The following ABCA3 variants were observed in gnomAD, a reference collection of about 807,000 sequenced individuals.
The protein encoded by ABCA3 is phospholipid-transporting ATPase ABCA3.
Under a neutral mutation model 172.8 loss-of-function variants are expected in ABCA3, and 88 were observed. That is an observed-to-expected ratio of 0.51 (90% CI 0.43 to 0.61). The LOEUF (loss-of-function observed/expected upper bound fraction) is 0.61, where lower values mean the gene tolerates loss of function less well. ABCA3 is among the 20% of genes least tolerant of loss of function. The pLI is 0.00. For missense variants in ABCA3, 2,164 were observed against 2,301.0 expected (o/e 0.94, Z 1.22); for synonymous variants, 1,066 against 983.8 (o/e 1.08, Z -1.56).
intron 12 of ABCA3, among the ~76,000 whole-genome samples, chr16:2,300,760 G>A (rs1185967828): frequency 2.0e-5 from 3 of 152,212 alleles, no homozygotes; most frequent in African/African-American, 4.8e-5. Context: ...AGAGCAGCAG[G>A]GAAGGTGGAA....
At chr16:2,303,570 G>A (rs1047416636) in intron 12 of ABCA3, among the ~76,000 whole-genome samples, 2 of 152,024 alleles carry the variant, frequency 1.3e-5, no homozygotes, top group Admixed American at 6.6e-5. Flanking sequence ...ACGCCTGGCC[G>A]AATGTGAACA....
At chr16:2,299,275 T>C in intron 14 of ABCA3, 128 bp downstream of exon 14, 1 of 1,338,974 alleles carries the variant, frequency 7.5e-7, no homozygotes, top group Non-Finnish European at 1.0e-6. Context: ...AGGGCTGAGG[T>C]GCATCTCCTG....
Position 2,278,859 on chromosome 16 carries a change from C to T in ABCA3, c.4547+84G>A. On this transcript the variant is annotated intron_variant, in intron 29 of 32. Coordinates refer to ENST00000301732, the MANE Select transcript of ABCA3 (RefSeq NM_001089.3). This position sits in a 1 kb window ranked among gnomAD's most constrained non-coding sequence, Gnocchi z 4.4. ...CACAAGCAGGAGCTCTGGCTGCTGA[C>T]CTGAGCGGTCACTCCCAGCTCTATG... is the stretch of plus-strand genomic sequence containing the variant. The T allele has an allele frequency of 1.3e-6, 2 of 1,585,288 alleles. No homozygotes were observed. Among genetic ancestry groups the T allele is most frequent in the African/African-American group, 1.3e-5 (1 of 74,576 alleles).
At position 2,301,002 on chromosome 16, in the gene ABCA3, G is replaced by A. The variant is rs534390597; in HGVS notation, c.1468-854C>T. 7.1e-3 allele frequency among the ~76,000 whole-genome samples: 1,062 copies of A among 150,078 alleles called. 6 individuals carry two copies. The highest frequency in any genetic ancestry group is 0.012 in the Non-Finnish European group (798 of 67,936). The stretch of plus-strand genomic sequence containing the variant: ...TCCCAGCACTTTGGGAGGCCGAGGC[G>A]GGCGGATCATGAGGTCAGGAGATCG... On this transcript the variant is annotated intron_variant, in intron 12 of 32. Coordinates refer to ENST00000301732, the MANE Select transcript of ABCA3 (RefSeq NM_001089.3).
chr16:2,284,941 T>G lies in ABCA3; in HGVS notation c.3541A>C (p.Thr1181Pro). 1 of 1,613,672 alleles carries G rather than the reference T, an allele frequency of 6.2e-7. No individual in the cohort carries two copies. Among genetic ancestry groups the G allele is most frequent in the Non-Finnish European group, 8.5e-7 (1 of 1,179,970 alleles). ...CCGTAGAGCAGGAGCAGCAGCAGGG[T>G]GTCAGCCATGTGGCCGTCCCGCGTG... ...AFTRDGHMAD[T>P]LLLLLLYGWA... The change falls in exon 24 of 33, where the codon ACC (threonine) becomes CCC (proline). Residue 1181 changes from threonine (T) to proline (P), a missense_variant. Thr to Pro is a conservative substitution (Grantham distance 38). Transcript: ENST00000301732. The surrounding 1 kb of genome is among the most constrained non-coding windows in gnomAD (Gnocchi z 5.9).
chr16:2,322,196 G>GA lies in ABCA3; in HGVS notation c.613+1326dup, dbSNP rs770820216. On this transcript the variant is annotated intron_variant, in intron 7 of 32. Coordinates refer to ENST00000301732, the MANE Select transcript of ABCA3 (RefSeq NM_001089.3). ...TTGGCGACAGAGCAAGATTCTGTCT[G>GA]AAAAAAAAAAAAAAGAAAAAAAGCT... Among the ~76,000 whole-genome samples the GA allele has an allele frequency of 5.0e-3, 586 of 117,228 alleles. 1 individual carries two copies. The highest frequency in any genetic ancestry group is 6.4e-3 in the Non-Finnish European group (355 of 55,452). The allele number at this position is 117,228 out of a possible 152,430, so 76.9% of individuals were successfully genotyped here.
In ABCA3 at chr16:2,289,584, C is replaced by T; in HGVS notation, c.2550G>A (p.Gln850=). The change falls in exon 20 of 33, where the codon CAG becomes CAA. Residue 850 remains glutamine (Q), a synonymous_variant. Coordinates refer to ENST00000301732, the MANE Select transcript of ABCA3 (RefSeq NM_001089.3). The part of the protein sequence containing the change: ...GKLVDSSMDI[Q]AIQLPALQYQ... ...ACTGCAGGGCAGGGAGCTGGATGGC[C>T]TGGATGTCCATACTGCTGTCCACCA... The T allele has an allele frequency of 6.4e-7, 1 of 1,556,252 alleles. No individual in the cohort carries two copies. The highest frequency in any genetic ancestry group is 8.7e-7 in the Non-Finnish European group (1 of 1,150,652).
chr16:2,285,083 G>T lies in ABCA3; in HGVS notation c.3484-85C>A. The T allele has an allele frequency of 6.9e-7, 1 of 1,445,906 alleles. No homozygotes were observed. The highest frequency in any genetic ancestry group is 9.4e-7 in the Non-Finnish European group (1 of 1,058,222). The allele number at this position is 1,445,906 out of a possible 1,614,324, so 89.6% of individuals were successfully genotyped here. ...GGAAGGGGTGAGAGGAGCATTTGGA[G>T]GTCCTCAGACCCCTCCCGGTCAGCT... On this transcript the variant is annotated intron_variant, in intron 23 of 32. Coordinates refer to ENST00000301732, the MANE Select transcript of ABCA3 (RefSeq NM_001089.3). The surrounding 1 kb of genome is among the most constrained non-coding windows in gnomAD (Gnocchi z 4.7).
chr16:2,303,894 G>T lies in ABCA3; in HGVS notation c.1467+75C>A, dbSNP rs1041285778. 29 of 1,516,042 alleles carry T rather than the reference G, an allele frequency of 1.9e-5. No individual in the cohort carries two copies. The South Asian group carries it at 3.0e-4, about 16-fold the overall frequency. 93.9% of individuals were successfully genotyped at this position (1,516,042 alleles called of 1,614,324 possible). ...GTGCTGCATGCTGGGGACTCAGAGG[G>T]GTCCCTGAGCAGGTACTGGGGACAC... On this transcript the variant is annotated intron_variant, in intron 12 of 32. Coordinates refer to ENST00000301732, the MANE Select transcript of ABCA3 (RefSeq NM_001089.3).
Position 2,284,713 on chromosome 16 carries a change from TC to T in ABCA3, c.3703+65del. ...TCCCGCCTCGGCTGTGGCTGGTGCC[TC>T]CCTGTCTGGGCGGAGTGGCTCCGTG... On this transcript the variant is annotated intron_variant, in intron 24 of 32. Transcript: ENST00000301732. The surrounding 1 kb of genome is among the most constrained non-coding windows in gnomAD (Gnocchi z 5.9). 4.6e-6 allele frequency: 7 copies of T among 1,529,534 alleles called. No homozygotes were observed. Among genetic ancestry groups the T allele is most frequent in the Non-Finnish European group, 5.3e-6 (6 of 1,123,630 alleles). 94.7% of individuals were successfully genotyped at this position (1,529,534 alleles called of 1,614,324 possible). A position where few individuals can be genotyped will look rare whatever the true frequency, so the allele number is the denominator to read the frequency against.
intron 1 of ABCA3, among the ~76,000 whole-genome samples, chr16:2,338,574 C>A (rs2093755469): frequency 6.6e-6 from 1 of 152,056 alleles, no homozygotes; most frequent in Non-Finnish European, 1.5e-5. Context: ...TGGGTGGAGA[C>A]CCTCTGCTCT....
intron 1 of ABCA3, among the ~76,000 whole-genome samples, chr16:2,333,259 G>C (rs533016600): frequency 6.6e-6 from 1 of 152,302 alleles, no homozygotes; most frequent in Admixed American, 6.5e-5. Flanking sequence ...GTTGTATTCT[G>C]AGCTTGGTTA....
intron 8 of ABCA3, 118 bp downstream of exon 8, chr16:2,319,463 C>A (rs141978518): frequency 1.5e-6 from 2 of 1,371,594 alleles, no homozygotes; most frequent in Non-Finnish European, 1.9e-6. Context: ...CCAGCCTGGG[C>A]GACAGAGCGA....
Position 2,278,602 on chromosome 16 carries a change from G to T in ABCA3, c.4548-144C>A. The T allele has an allele frequency of 8.4e-7, 1 of 1,196,864 alleles. No homozygotes were observed. Among genetic ancestry groups the T allele is most frequent in the Non-Finnish European group, 1.2e-6 (1 of 848,636 alleles). 74.1% of individuals were successfully genotyped at this position (1,196,864 alleles called of 1,614,324 possible). A position where few individuals can be genotyped will look rare whatever the true frequency, so the allele number is the denominator to read the frequency against. ...TAGTGAAGAGGAAGGAGCTGTGTGT[G>T]CACCTGGAAAGCCCACCGCATAGGG... On this transcript the variant is annotated intron_variant, in intron 29 of 32. Coordinates refer to ENST00000301732, the MANE Select transcript of ABCA3 (RefSeq NM_001089.3). The surrounding 1 kb of genome is among the most constrained non-coding windows in gnomAD (Gnocchi z 4.4).
chr16:2,338,999 G>A (rs975713280), intron 1 of ABCA3, among the ~76,000 whole-genome samples: 10 of 151,936 alleles, frequency 6.6e-5, no homozygotes, highest in African/African-American at 1.7e-4. Flanking sequence ...CAAGTGATCC[G>A]CCCGCCTCTG....
At chr16:2,330,290 A>G (rs1347167710) in intron 1 of ABCA3, among the ~76,000 whole-genome samples, 7 of 113,652 alleles carry the variant, frequency 6.2e-5, no homozygotes, top group Non-Finnish European at 1.1e-4. Flanking sequence ...CCCTGTCTCA[A>G]AAAAAAAAAA....
At chr16:2,323,465 T>C in intron 7 of ABCA3, 58 bp downstream of exon 7, 1 of 1,607,344 alleles carries the variant, frequency 6.2e-7, no homozygotes, top group Admixed American at 1.7e-5. Flanking sequence ...TGCCCCCATA[T>C]GACTGTCACT....
In ABCA3 at chr16:2,287,804, C is replaced by T. The variant is rs780558392; in HGVS notation, c.3004+222G>A. Among the ~76,000 whole-genome samples the T allele has an allele frequency of 3.3e-5, 5 of 152,202 alleles. No individual in the cohort carries two copies. Among genetic ancestry groups the T allele is most frequent in the Admixed American group, 1.3e-4 (2 of 15,290 alleles). On this transcript the variant is annotated intron_variant, in intron 21 of 32. Coordinates refer to ENST00000301732, the MANE Select transcript of ABCA3 (RefSeq NM_001089.3). The surrounding 1 kb of genome is among the most constrained non-coding windows in gnomAD (Gnocchi z 4.1). ...CAGGGCACTTCCCCTGACTCAGTGC[C>T]GTGATCTGCCACCCAGGGGACATCC...
chr16:2,317,149 C>A, intron 10 of ABCA3, 134 bp downstream of exon 10: 2 of 1,357,434 alleles, frequency 1.5e-6, no homozygotes, highest in East Asian at 2.4e-5. Flanking sequence ...CCAGTCCAAC[C>A]TTCCCCTGGT....
Sources: allele counts gnomAD v4.1 joint callset (sites outside exome capture counted in the v4.1 genomes callset), GRCh38; gene constraint gnomAD v4.1.1; non-coding constraint Gnocchi (gnomAD v3.1); transcripts MANE v1.5; gene names NCBI Gene and HGNC (gene_info 2026-07-23, HGNC 2026-07-21).